Variants in ERC2 observed in about 807,000 individuals in gnomAD.
ERC2 encodes ERC protein 2.
In ERC2, 42 loss-of-function variants were observed where a neutral mutation model predicts 114.8. The ratio of observed to expected loss-of-function variants is 0.37; its 90% confidence interval spans 0.29 to 0.47. The LOEUF is 0.47. ERC2 is among the 20% of genes least tolerant of loss of function. ERC2 has a pLI of 0.99. For synonymous variants in ERC2, 454 were observed against 425.5 expected (o/e 1.07, Z -0.82); for missense variants, 939 against 1,150.7 (o/e 0.82, Z 2.66).
rs955690265 is a variant in ERC2 at position 55,770,670 on chromosome 3, G to A, written c.2565-35752C>T. 5.9e-5 allele frequency among the ~76,000 whole-genome samples: 9 copies of A among 152,140 alleles called. No individual in the cohort carries two copies. In the East Asian group the frequency reaches 1.7e-3, roughly 29 times the overall value. On this transcript the variant is annotated intron_variant, in intron 14 of 17. Coordinates refer to ENST00000288221, the MANE Select transcript of ERC2 (RefSeq NM_015576.3). ...GTTCTGGGATACATGTGCAGAATGT[G>A]CAGGTTTGTTACATAGGTACACATG... is the stretch of plus-strand genomic sequence containing the variant.
intron 17 of ERC2, among the ~76,000 whole-genome samples, chr3:55,683,347 T>A (rs982364141): frequency 6.6e-5 from 10 of 152,304 alleles, no homozygotes; most frequent in Admixed American, 6.5e-4. Context: ...ATATTTTATT[T>A]TCCTTATTCC....
intron 13 of ERC2, among the ~76,000 whole-genome samples, chr3:55,911,511 C>G (rs1262141912): frequency 6.6e-6 from 1 of 152,192 alleles, no homozygotes; most frequent in African/African-American, 2.4e-5. Flanking sequence ...GGCTATATGT[C>G]TCCTATAATA....
intron 17 of ERC2, among the ~76,000 whole-genome samples, chr3:55,598,158 T>C (rs1226750736): frequency 1.3e-5 from 2 of 152,386 alleles, no homozygotes; most frequent in Middle Eastern, 3.4e-3. Context: ...ATTCAGTGTT[T>C]CTGTTACTAT....
intron 9 of ERC2, among the ~76,000 whole-genome samples, chr3:56,009,600 G>A (rs956508816): frequency 6.6e-6 from 1 of 152,150 alleles, no homozygotes; most frequent in Non-Finnish European, 1.5e-5. Flanking sequence ...CTCTAAAGAA[G>A]ATGGACAGTT....
At chr3:56,151,550 C>T (rs1261249976) in intron 4 of ERC2, among the ~76,000 whole-genome samples, 1 of 152,058 alleles carries the variant, frequency 6.6e-6, no homozygotes, top group Non-Finnish European at 1.5e-5. Flanking sequence ...AACGCCAAAC[C>T]AGAGAAGGAC....
intron 14 of ERC2, among the ~76,000 whole-genome samples, chr3:55,806,561 C>A (rs1394225980): frequency 6.6e-6 from 1 of 152,000 alleles, no homozygotes; most frequent in Non-Finnish European, 1.5e-5. Flanking sequence ...GGTGATTTTG[C>A]TACACAGGTG....
intron 17 of ERC2, among the ~76,000 whole-genome samples, chr3:55,605,527 C>T (rs2058605690): frequency 6.6e-6 from 1 of 152,182 alleles, no homozygotes; most frequent in Admixed American, 6.5e-5. Context: ...AAGGACTAAT[C>T]ATTGCATACG....
At chr3:55,677,836 G>C (rs2061885160) in intron 17 of ERC2, among the ~76,000 whole-genome samples, 2 of 152,160 alleles carry the variant, frequency 1.3e-5, no homozygotes, top group Non-Finnish European at 2.9e-5. Context: ...GATTTGCAGA[G>C]CCTCCAGGGC....
chr3:56,057,922 TATAA>T (rs1340031202), intron 7 of ERC2, among the ~76,000 whole-genome samples: 1 of 152,234 alleles, frequency 6.6e-6, no homozygotes, highest in Non-Finnish European at 1.5e-5. Context: ...TTTAGTTTGG[TATAA>T]ATATTCAAAT....
At chr3:55,595,812 A>G (rs1233225978) in intron 17 of ERC2, among the ~76,000 whole-genome samples, 3 of 152,340 alleles carry the variant, frequency 2.0e-5, no homozygotes, top group African/African-American at 7.2e-5. Context: ...TCTATAAACC[A>G]TGAGAGTATG....
chr3:56,414,656 C>T (rs1314637116), intron 2 of ERC2, among the ~76,000 whole-genome samples: 2 of 150,174 alleles, frequency 1.3e-5, no homozygotes, highest in Admixed American at 6.7e-5. Flanking sequence ...ACCTGGGTGG[C>T]GGAGGTTGCA....
At chr3:56,419,468 C>T (rs1029088420) in intron 2 of ERC2, among the ~76,000 whole-genome samples, 3 of 152,212 alleles carry the variant, frequency 2.0e-5, no homozygotes, top group African/African-American at 7.2e-5. Context: ...AGACTAAAAT[C>T]CACCACCTCC....
chr3:56,128,103 A>C (rs1575522166), intron 6 of ERC2, among the ~76,000 whole-genome samples: 1 of 152,148 alleles, frequency 6.6e-6, no homozygotes, highest in Non-Finnish European at 1.5e-5. Flanking sequence ...AATTTTAAAA[A>C]AAAGATTTGT....
intron 2 of ERC2, among the ~76,000 whole-genome samples, chr3:56,308,253 C>T (rs77540216): frequency 1.3e-5 from 2 of 152,302 alleles, no homozygotes; most frequent in African/African-American, 4.8e-5. Context: ...TTCCTCCAGC[C>T]AATTCTACAG....
intron 17 of ERC2, among the ~76,000 whole-genome samples, chr3:55,668,495 C>T (rs949379964): frequency 1.3e-5 from 2 of 152,258 alleles, no homozygotes; most frequent in African/African-American, 4.8e-5. Flanking sequence ...ACAAGTTATG[C>T]TCATCGTCAT....
intron 1 of ERC2, among the ~76,000 whole-genome samples, chr3:56,454,405 C>T (rs907584817): frequency 2.6e-5 from 4 of 152,282 alleles, no homozygotes; most frequent in East Asian, 1.9e-4. Context: ...ATAAGCTAGT[C>T]TTCCCTTGCA....
intron 14 of ERC2, among the ~76,000 whole-genome samples, chr3:55,738,964 T>C (rs1473498078): frequency 2.0e-5 from 3 of 152,100 alleles, no homozygotes; most frequent in Non-Finnish European, 4.4e-5. Flanking sequence ...CCTGTGTCCA[T>C]GTGTTCTCAT....
intron 3 of ERC2, among the ~76,000 whole-genome samples, chr3:56,252,757 CAA>C (rs71099628): frequency 1.8e-4 from 13 of 74,144 alleles, no homozygotes; most frequent in African/African-American, 1.7e-4. Context: ...AACTCTGTCT[CAA>C]AAAAAAAAAA....
intron 2 of ERC2, among the ~76,000 whole-genome samples, chr3:56,384,234 G>A (rs1486051296): frequency 1.3e-5 from 2 of 152,202 alleles, no homozygotes; most frequent in Non-Finnish European, 1.5e-5. Context: ...TGGAATTGCT[G>A]GATCATATAG....
Sources: allele counts gnomAD v4.1 joint callset (sites outside exome capture counted in the v4.1 genomes callset), GRCh38; gene constraint gnomAD v4.1.1; transcripts MANE v1.5; gene names NCBI Gene and HGNC (gene_info 2026-07-23, HGNC 2026-07-21).